ANGPT1: variants seen among roughly 807,000 people sequenced by gnomAD.
ANGPT1 encodes the protein angiopoietin 1.
A neutral mutation model predicts 62.2 loss-of-function variants in ANGPT1; 17 were observed. That is an observed-to-expected ratio of 0.27 (90% confidence interval 0.19 to 0.41). The LOEUF (loss-of-function observed/expected upper bound fraction) is 0.41, where lower values mean the gene tolerates loss of function less well. ANGPT1 is among the 10% of genes least tolerant of loss of function. The probability of loss-of-function intolerance (pLI) is 1.00; values close to 1 mark genes in which losing one functional copy is unlikely to be tolerated. For synonymous variants in ANGPT1, 199 were observed against 198.9 expected, an observed-to-expected ratio of 1.00 and a Z score of 0.00; for missense variants, 478 against 594.9, an observed-to-expected ratio of 0.80 and a Z score of 2.04.
intron 1 of ANGPT1, among the ~76,000 whole-genome samples, chr8:107,465,332 CT>C (rs1812172965): frequency 6.6e-6 from 1 of 152,068 alleles, no homozygotes; most frequent in Non-Finnish European, 1.5e-5. Context: ...GTTAGGGATG[CT>C]TTTTGGCTCT....
At chr8:107,450,467 C>G (rs1451006958) in intron 1 of ANGPT1, among the ~76,000 whole-genome samples, 3 of 151,886 alleles carry the variant, frequency 2.0e-5, no homozygotes, top group Admixed American at 6.6e-5. Flanking sequence ...AAAGAGGGAC[C>G]TTTATAAATC....
intron 1 of ANGPT1, among the ~76,000 whole-genome samples, chr8:107,393,487 G>C (rs1816874483): frequency 6.6e-6 from 1 of 152,122 alleles, no homozygotes; most frequent in African/African-American, 2.4e-5. Flanking sequence ...TTTTAAAAGT[G>C]AATGTGAAAT....
intron 1 of ANGPT1, among the ~76,000 whole-genome samples, chr8:107,350,220 T>C (rs922759052): frequency 3.3e-5 from 5 of 152,190 alleles, no homozygotes; most frequent in Non-Finnish European, 7.4e-5. Context: ...ATTTAAACCA[T>C]CAAATTTACT....
intron 1 of ANGPT1, among the ~76,000 whole-genome samples, chr8:107,483,007 G>T (rs1297547391): frequency 6.6e-6 from 1 of 151,750 alleles, no homozygotes; most frequent in Non-Finnish European, 1.5e-5. Flanking sequence ...CCAAATATTT[G>T]GTGAATTATT....
chr8:107,338,906 G>A (rs1448435136), intron 2 of ANGPT1, among the ~76,000 whole-genome samples: 2 of 152,132 alleles, frequency 1.3e-5, no homozygotes, highest in Non-Finnish European at 1.5e-5. Context: ...TTTGTTTATG[G>A]ATACTCAGTA....
chr8:107,381,665 G>A (rs181237229), intron 1 of ANGPT1, among the ~76,000 whole-genome samples: 283 of 152,258 alleles, frequency 1.9e-3, no homozygotes, highest in Non-Finnish European at 3.1e-3. Context: ...TCTTTCAAGG[G>A]AATCCCTGCT....
chr8:107,304,136 CA>C (rs1814659861), intron 4 of ANGPT1, among the ~76,000 whole-genome samples: 1 of 151,748 alleles, frequency 6.6e-6, no homozygotes, highest in Admixed American at 6.6e-5. Flanking sequence ...GAAAGAGTCA[CA>C]GTAAACACTA....
At chr8:107,370,600 G>C in intron 1 of ANGPT1, among the ~76,000 whole-genome samples, 1 of 150,784 alleles carries the variant, frequency 6.6e-6, no homozygotes, top group Admixed American at 6.6e-5. Context: ...CTACTCAGGA[G>C]GCTGAGGCAA....
intron 1 of ANGPT1, among the ~76,000 whole-genome samples, chr8:107,436,933 C>T (rs971613794): frequency 7.2e-5 from 11 of 152,042 alleles, no homozygotes; most frequent in African/African-American, 2.2e-4. Flanking sequence ...AAATTATATG[C>T]TAGTATATTT....
Position 107,310,845 on chromosome 8 carries a change from G to A in ANGPT1, c.809-7478C>T, listed in dbSNP as rs191546213. 1.6e-3 allele frequency among the ~76,000 whole-genome samples: 239 copies of A among 152,196 alleles called. 1 individual carries two copies. The Middle Eastern group carries it at 0.017, about 11-fold the overall frequency. On this transcript the variant is annotated intron_variant, in intron 4 of 8. Transcript: ENST00000517746. ...CCTGGTAGTTGGTCTCCCAGCCTAC[G>A]GACTATTTGCTAGAAGCTTCAAAGA...
intron 1 of ANGPT1, among the ~76,000 whole-genome samples, chr8:107,397,709 A>G (rs1345737281): frequency 3.9e-5 from 6 of 152,116 alleles, no homozygotes; most frequent in African/African-American, 1.4e-4. Flanking sequence ...AACTCTTCAT[A>G]CTGGAAACAT....
At chr8:107,475,258 C>T (rs1408455919) in intron 1 of ANGPT1, among the ~76,000 whole-genome samples, 1 of 152,118 alleles carries the variant, frequency 6.6e-6, no homozygotes, top group African/African-American at 2.4e-5. Context: ...TGGAACAGAA[C>T]AGAGCCCACA....
chr8:107,351,677 G>A (rs1424454237), intron 1 of ANGPT1, among the ~76,000 whole-genome samples: 3 of 152,016 alleles, frequency 2.0e-5, no homozygotes, highest in African/African-American at 7.2e-5. Flanking sequence ...AAGTTAATTT[G>A]AGGTGGGATG....
chr8:107,315,676 T>G (rs1385674804), intron 4 of ANGPT1, among the ~76,000 whole-genome samples: 1 of 152,090 alleles, frequency 6.6e-6, no homozygotes, highest in Non-Finnish European at 1.5e-5. Context: ...AACCTTCAAA[T>G]TTTTCTGTCT....
intron 2 of ANGPT1, among the ~76,000 whole-genome samples, chr8:107,342,517 A>C (rs977329230): frequency 2.6e-5 from 4 of 152,156 alleles, no homozygotes; most frequent in African/African-American, 9.7e-5. Context: ...TTTTAGTGAA[A>C]TAGCAGCCAT....
At chr8:107,363,110 A>G (rs995316108) in intron 1 of ANGPT1, among the ~76,000 whole-genome samples, 3 of 134,440 alleles carry the variant, frequency 2.2e-5, no homozygotes, top group African/African-American at 8.6e-5. Context: ...TTTTTCTCCC[A>G]CTTGTCAGCC....
intron 2 of ANGPT1, among the ~76,000 whole-genome samples, chr8:107,342,828 CACAA>C (rs1214940089): frequency 1.2e-4 from 11 of 94,250 alleles, no homozygotes; most frequent in Admixed American, 7.5e-4. Flanking sequence ...CACACACACA[CACAA>C]GTGTATATAT....
intron 4 of ANGPT1, among the ~76,000 whole-genome samples, chr8:107,311,853 A>T (rs1419297213): frequency 1.3e-5 from 2 of 152,168 alleles, no homozygotes; most frequent in African/African-American, 4.8e-5. Context: ...TCACAAGGTC[A>T]GGAGATGGAG....
At chr8:107,357,090 A>G (rs1435101613) in intron 1 of ANGPT1, among the ~76,000 whole-genome samples, 1 of 152,140 alleles carries the variant, frequency 6.6e-6, no homozygotes, top group Non-Finnish European at 1.5e-5. Flanking sequence ...TGTTCATTTC[A>G]TTGCAGTTTA....
Sources: allele counts gnomAD v4.1 joint callset (sites outside exome capture counted in the v4.1 genomes callset), GRCh38; gene constraint gnomAD v4.1.1; transcripts MANE v1.5; gene names NCBI Gene and HGNC (gene_info 2026-07-23, HGNC 2026-07-21).